CEP128: variants seen among roughly 807,000 people sequenced by gnomAD.
CEP128 encodes the protein centrosomal protein 128.
CEP128 carries 132 observed loss-of-function variants against 156.7 expected under a neutral mutation model. The observed-to-expected ratio is 0.84, with a 90% CI of 0.73 to 0.97. The LOEUF (loss-of-function observed/expected upper bound fraction) is 0.97, where lower values mean the gene tolerates loss of function less well. Ranked by LOEUF, CEP128 falls within the 50% of genes least tolerant of loss-of-function variation. CEP128 has a pLI of 0.00. For missense variants in CEP128, 1,252 were observed against 1,281.9 expected, an observed-to-expected ratio of 0.98 and a Z score of 0.36; for synonymous variants, 469 against 448.9, an observed-to-expected ratio of 1.04 and a Z score of -0.57.
At chr14:80,919,809 T>G (rs896339232) in intron 2 of CEP128, among the ~76,000 whole-genome samples, 36 of 152,260 alleles carry the variant, frequency 2.4e-4, no homozygotes, top group Admixed American at 2.4e-3. Flanking sequence ...TAAGACAGAA[T>G]CACAAGTTCC....
At chr14:80,861,701 C>T (rs955968566) in intron 9 of CEP128, among the ~76,000 whole-genome samples, 7 of 152,028 alleles carry the variant, frequency 4.6e-5, no homozygotes, top group Admixed American at 4.6e-4. Context: ...TATATTTTAT[C>T]CTGGATCAGG....
chr14:80,582,749 C>G (rs141788284), intron 19 of CEP128, among the ~76,000 whole-genome samples: 2,046 of 152,168 alleles, frequency 0.013, 38 homozygotes, highest in Non-Finnish European at 0.015. Flanking sequence ...TTAACTGTGT[C>G]CTTACCCCAA....
intron 13 of CEP128, among the ~76,000 whole-genome samples, chr14:80,802,652 C>T (rs1169190116): frequency 4.0e-5 from 6 of 151,146 alleles, no homozygotes; most frequent in Non-Finnish European, 7.4e-5. Context: ...ACATGTATCC[C>T]GTTTTTTTTT....
intron 6 of CEP128, among the ~76,000 whole-genome samples, chr14:80,900,498 T>C (rs1883486174): frequency 6.6e-6 from 1 of 152,224 alleles, no homozygotes; most frequent in African/African-American, 2.4e-5. Context: ...TAAAATTTTA[T>C]TCTATCAGCC....
chr14:80,549,265 G>T (rs1223677035), intron 21 of CEP128, among the ~76,000 whole-genome samples: 2 of 152,166 alleles, frequency 1.3e-5, no homozygotes, highest in South Asian at 2.1e-4. Context: ...GGCAGAACGG[G>T]CTAGGACAGG....
chr14:80,873,142 T>C (rs1888110371), intron 8 of CEP128, among the ~76,000 whole-genome samples: 3 of 152,198 alleles, frequency 2.0e-5, no homozygotes, highest in Admixed American at 2.0e-4. Flanking sequence ...AAAGGCTGTG[T>C]CCTCATGAGC....
At chr14:80,512,435 T>C (rs1201393897) in intron 23 of CEP128, among the ~76,000 whole-genome samples, 1 of 152,054 alleles carries the variant, frequency 6.6e-6, no homozygotes, top group Admixed American at 6.6e-5. Context: ...GCATGAAGTA[T>C]CTTTTTCCAT....
intron 16 of CEP128, among the ~76,000 whole-genome samples, chr14:80,769,534 A>T (rs172909): frequency 1.8e-4 from 27 of 151,772 alleles, no homozygotes; most frequent in Non-Finnish European, 3.8e-4. Context: ...GCAATAGTTT[A>T]CTGAGAATGA....
intron 19 of CEP128, among the ~76,000 whole-genome samples, chr14:80,603,916 C>CCA (rs1206637689): frequency 6.6e-6 from 1 of 152,070 alleles, no homozygotes; most frequent in Non-Finnish European, 1.5e-5. Context: ...GAAATTAAGT[C>CCA]CTTTCTTGCT....
intron 5 of CEP128, 29 bp downstream of exon 5, chr14:80,905,926 A>C: frequency 6.2e-7 from 1 of 1,603,330 alleles, no homozygotes; most frequent in Non-Finnish European, 8.5e-7. Flanking sequence ...AATATTTTTA[A>C]TGTTTTTCAG....
chr14:80,919,140 C>A (rs1479878946), intron 2 of CEP128, among the ~76,000 whole-genome samples: 16 of 152,000 alleles, frequency 1.1e-4, no homozygotes, highest in Admixed American at 1.0e-3. Context: ...TTAATGAGAA[C>A]AAGGAACAAA....
At chr14:80,714,812 GA>G (rs1413853703) in intron 19 of CEP128, among the ~76,000 whole-genome samples, 82 of 151,426 alleles carry the variant, frequency 5.4e-4, no homozygotes, top group African/African-American at 2.0e-3. Flanking sequence ...AAAAATTTAA[GA>G]ATAACAGTAT....
chr14:80,553,559 AT>A (rs1890303173), intron 21 of CEP128, among the ~76,000 whole-genome samples: 1 of 152,152 alleles, frequency 6.6e-6, no homozygotes, highest in East Asian at 1.9e-4. Flanking sequence ...GCTTTAATAC[AT>A]TTTGATACAT....
At chr14:80,708,833 G>A (rs28619915) in intron 19 of CEP128, among the ~76,000 whole-genome samples, 11,792 of 152,028 alleles carry the variant, frequency 0.078, 1,541 homozygotes, top group African/African-American at 0.27. Context: ...AATGGTGTCA[G>A]AATAGATCTA....
At chr14:80,737,118 A>G (rs1258825083) in intron 19 of CEP128, among the ~76,000 whole-genome samples, 4 of 152,204 alleles carry the variant, frequency 2.6e-5, no homozygotes, top group African/African-American at 9.6e-5. Context: ...GTTAAAAACA[A>G]TTATAGGCTG....
At chr14:80,796,519 C>G (rs754430242) in intron 13 of CEP128, among the ~76,000 whole-genome samples, 2 of 152,006 alleles carry the variant, frequency 1.3e-5, no homozygotes, top group African/African-American at 4.8e-5. Context: ...GTTAATAACC[C>G]CTTGCTCATT....
Position 80,606,932 on chromosome 14 carries a change from A to G in CEP128, c.2807-26509T>C, listed in dbSNP as rs542458574. ...AAGACACATACTCTTCCCTTTCATTATTACTCTCTAAACTCTTACCTTGTT... is the reference window on the plus strand; with the variant it reads ...AAGACACATACTCTTCCCTTTCATTGTTACTCTCTAAACTCTTACCTTGTT... On this transcript the variant is annotated intron_variant, in intron 19 of 24. Transcript: ENST00000555265. Among the ~76,000 whole-genome samples, 14 of 151,870 alleles carry G rather than the reference A, an allele frequency of 9.2e-5. No individual in the cohort carries two copies. In the South Asian group the frequency reaches 2.1e-3, roughly 22 times the overall value.
chr14:80,526,197 G>A (rs537449335), intron 23 of CEP128, among the ~76,000 whole-genome samples: 30 of 152,164 alleles, frequency 2.0e-4, no homozygotes, highest in Admixed American at 6.5e-4. Flanking sequence ...ATACTGCAAC[G>A]CATAAGACTA....
chr14:80,503,868 A>G (rs1887849735), intron 24 of CEP128, among the ~76,000 whole-genome samples: 1 of 152,202 alleles, frequency 6.6e-6, no homozygotes, highest in South Asian at 2.1e-4. Context: ...ATCATGAAAT[A>G]ATGAAAAACC....
Sources: gnomAD v4.1 joint callset for allele counts (sites outside exome capture counted in the v4.1 genomes callset) on GRCh38, gnomAD v4.1.1 for gene constraint, MANE v1.5 for transcripts, NCBI Gene and HGNC (gene_info 2026-07-23, HGNC 2026-07-21) for gene names.